The following MARS1 variants were observed in gnomAD, a reference collection of about 807,000 sequenced individuals.
MARS1 encodes the protein methionine--tRNA ligase, cytoplasmic.
In MARS1, 80 loss-of-function variants were observed where a neutral mutation model predicts 119.5. The observed-to-expected ratio is 0.67, with a 90% CI of 0.56 to 0.81. The LOEUF is 0.81. Ranked by LOEUF, MARS1 falls within the 30% of genes least tolerant of loss-of-function variation. The pLI, the probability that MARS1 is intolerant of heterozygous loss-of-function variation, is 0.00. For synonymous variants in MARS1, 418 were observed against 433.4 expected (o/e 0.96, Z 0.44); for missense variants, 945 against 1,116.5 (o/e 0.85, Z 2.19).
At chr12:57,504,334 A>C in intron 11 of MARS1, 35 bp downstream of exon 11, 1 of 1,566,884 alleles carries the variant, frequency 6.4e-7, no homozygotes, top group Non-Finnish European at 8.8e-7. Context: ...AGTTTTCAGG[A>C]GGCCTCTTCT....
chr12:57,490,970 G>A (rs1260409354), intron 7 of MARS1, among the ~76,000 whole-genome samples: 6 of 148,208 alleles, frequency 4.0e-5, no homozygotes, highest in Non-Finnish European at 5.9e-5. Context: ...TCCGCCTCCC[G>A]GGTTCAAGCG....
In MARS1 at chr12:57,493,340, TTA is replaced by T. The variant is rs1378500515; in HGVS notation, c.770+2701_770+2702del. ...TATAATATATTATATATAATATATG[TTA>T]TATAATATATATTATATGATATGTA... is the stretch of plus-strand genomic sequence containing the variant. On this transcript the variant is annotated intron_variant, in intron 7 of 20. Coordinates refer to ENST00000262027, the MANE Select transcript of MARS1 (RefSeq NM_004990.4). Among the ~76,000 whole-genome samples the T allele has an allele frequency of 3.1e-5, 3 of 96,586 alleles. 1 individual carries two copies. The highest frequency in any genetic ancestry group is 1.7e-4 in the Admixed American group (1 of 5,982). 63.4% of individuals were successfully genotyped at this position (96,586 alleles called of 152,430 possible). A position where few individuals can be genotyped will look rare whatever the true frequency, so the allele number is the denominator to read the frequency against.
chr12:57,488,499 G>T, intron 1 of MARS1: 2 of 1,410,746 alleles, frequency 1.4e-6, no homozygotes, highest in Non-Finnish European at 2.0e-6. Context: ...CACCTATCAG[G>T]CATCCCCCTC....
At chr12:57,512,642 A>G in intron 14 of MARS1, 109 bp from the exon 15 acceptor site, 2 of 894,472 alleles carry the variant, frequency 2.2e-6, no homozygotes, top group Non-Finnish European at 3.6e-6. Flanking sequence ...AAATGTTGCT[A>G]GACACCCATA....
chr12:57,498,426 T>C lies in MARS1; in HGVS notation c.894T>C (p.Ser298=). 2 of 1,613,678 alleles carry C rather than the reference T, an allele frequency of 1.2e-6. No homozygotes were observed. Among genetic ancestry groups the C allele is most frequent in the Middle Eastern group, 1.8e-4 (1 of 5,666 alleles). ...TCACCATATTCCCTTGCAGGTACTCTCGCCTCCGCCAGTGGAACACCCTCT... is the reference window on the plus strand; with the variant it reads ...TCACCATATTCCCTTGCAGGTACTCCCGCCTCCGCCAGTGGAACACCCTCT... ...VLSADVFARY[S]RLRQWNTLYL... The change falls in exon 9 of 21, where the codon TCT becomes TCC. Residue 298 remains serine, a synonymous_variant. Coordinates refer to ENST00000262027, the MANE Select transcript of MARS1 (RefSeq NM_004990.4).
In MARS1 at chr12:57,498,452, A is replaced by C; in HGVS notation, c.920A>C (p.Tyr307Ser). Residue 307 changes from tyrosine to serine, a missense_variant, in exon 9 of 21, where the codon TAT becomes TCT. Tyr to Ser is a moderately radical substitution (Grantham distance 144). Transcript: ENST00000262027. ...CGCCTCCGCCAGTGGAACACCCTCT[A>C]TCTGTGTGGGACAGATGAGTATGGT... ...YSRLRQWNTL[Y>S]LCGTDEYGTA... 6.2e-7 allele frequency: 1 copy of C among 1,614,120 alleles called. No individual in the cohort carries two copies. The highest frequency in any genetic ancestry group is 8.5e-7 in the Non-Finnish European group (1 of 1,180,034).
chr12:57,515,230 C>T lies in MARS1; in HGVS notation c.2285C>T (p.Thr762Met), dbSNP rs776051748. The T allele has an allele frequency of 2.7e-5, 43 of 1,614,004 alleles. No homozygotes were observed. Among genetic ancestry groups the T allele is most frequent in the Middle Eastern group, 1.6e-4 (1 of 6,084 alleles). Residue 762 changes from threonine (T) to methionine (M), a missense_variant, in exon 18 of 21, where the codon ACG becomes ATG. Transcript: ENST00000262027. ...GTCATGCTTCAGCCTTACATGCCCA[C>T]GGTTAGTGCCACAATCCAGGCCCAG... is the stretch of plus-strand genomic sequence containing the variant. ...LSVMLQPYMP[T>M]VSATIQAQLQ...
chr12:57,498,097 T>G, intron 7 of MARS1, 60 bp from the exon 8 acceptor site: 1 of 1,061,062 alleles, frequency 9.4e-7, no homozygotes, highest in Non-Finnish European at 1.5e-6. Context: ...CTGTGCACTT[T>G]TCGTCCCTGT....
In MARS1 at chr12:57,516,462, C is replaced by CA; in HGVS notation, c.2588dup (p.Ala864GlyfsTer24). 1.2e-6 allele frequency: 2 copies of CA among 1,613,500 alleles called. No individual in the cohort carries two copies. Among genetic ancestry groups the CA allele is most frequent in the Non-Finnish European group, 1.7e-6 (2 of 1,179,866 alleles). On this transcript the variant is annotated frameshift_variant, in exon 21 of 21. Transcript: ENST00000262027. LOFTEE classifies it high-confidence loss of function. ...AAACATTGTCCGAGAACTGAAAGCACAAAAGGCAGACAAGAACGAGGTTGC... is the reference window on the plus strand; with the variant it reads ...AAACATTGTCCGAGAACTGAAAGCACAAAAAGGCAGACAAGAACGAGGTTGC...
At chr12:57,495,634 G>T (rs1015269710) in intron 7 of MARS1, among the ~76,000 whole-genome samples, 14 of 152,202 alleles carry the variant, frequency 9.2e-5, no homozygotes, top group African/African-American at 3.4e-4. Context: ...TGGCACTTTG[G>T]GAGGCCAAGG....
Position 57,490,227 on chromosome 12 carries a change from A to T in MARS1, c.511A>T (p.Ser171Cys), listed in dbSNP as rs142331178. 6.2e-7 allele frequency: 1 copy of T among 1,613,680 alleles called. No individual in the cohort carries two copies. ...YLPEELSALH[S>C]WFQTLSTQEP... ...CACAGAGGAGCTGAGTGCCCTGCAC[A>T]GCTGGTTCCAGACACTGAGTACCCA... The change falls in exon 6 of 21, where the codon AGC becomes TGC. Residue 171 changes from serine (S) to cysteine (C), a missense_variant. Transcript: ENST00000262027.
At chr12:57,500,592 C>T in intron 10 of MARS1, 70 bp downstream of exon 10, 1 of 1,449,774 alleles carries the variant, frequency 6.9e-7, no homozygotes, top group Admixed American at 2.0e-5. Flanking sequence ...CCTTCCTGTC[C>T]CATTTAGGAT....
intron 11 of MARS1, among the ~76,000 whole-genome samples, chr12:57,507,818 C>T (rs1877287680): frequency 6.6e-6 from 1 of 151,002 alleles, no homozygotes; most frequent in Non-Finnish European, 1.5e-5. Context: ...CCACCTCCCT[C>T]CCGGACGGGG....
intron 11 of MARS1, among the ~76,000 whole-genome samples, chr12:57,506,444 C>T (rs1877182834): frequency 6.6e-6 from 1 of 152,102 alleles, no homozygotes; most frequent in South Asian, 2.1e-4. Context: ...TAAATAAATA[C>T]ATAAAATATA....
Position 57,489,971 on chromosome 12 carries a change from G to T in MARS1, c.490G>T (p.Glu164Ter), listed in dbSNP as rs765222881. ...PLLQDPAYLP[E>*]ELSALHSWFQ... ...ACTGCAAGATCCCGCCTACCTCCCTGGTGAGAACTGTGCATATCACTCCAA... is the reference window on the plus strand; with the variant it reads ...ACTGCAAGATCCCGCCTACCTCCCTTGTGAGAACTGTGCATATCACTCCAA... Residue 164 changes from glutamate to a stop codon, truncating the protein, a stop_gained and splice_region_variant, in exon 5 of 21, where the codon GAG becomes TAG. Transcript: ENST00000262027. LOFTEE classifies it high-confidence loss of function. 1 of 1,613,814 alleles carries T rather than the reference G, an allele frequency of 6.2e-7. No individual in the cohort carries two copies. The highest frequency in any genetic ancestry group is 1.1e-5 in the South Asian group (1 of 91,074).
chr12:57,504,341 T>G, intron 11 of MARS1, 42 bp downstream of exon 11: 1 of 1,482,770 alleles, frequency 6.7e-7, no homozygotes, highest in Non-Finnish European at 9.4e-7. Context: ...AGGAGGCCTC[T>G]TCTGTCCCCT....
chr12:57,495,677 C>T (rs7969683), intron 7 of MARS1, among the ~76,000 whole-genome samples: 101,869 of 151,150 alleles, frequency 0.67, 39,293 homozygotes, highest in Non-Finnish European at 0.86. Flanking sequence ...TGTAGCGAGC[C>T]GAGATCACGC....
intron 7 of MARS1, among the ~76,000 whole-genome samples, chr12:57,494,762 G>T (rs1876500616): frequency 6.6e-6 from 1 of 152,004 alleles, no homozygotes; most frequent in South Asian, 2.1e-4. Context: ...ATCTTGCACC[G>T]CCCTTAATCC....
intron 11 of MARS1, among the ~76,000 whole-genome samples, chr12:57,507,124 C>A (rs1338531975): frequency 1.3e-5 from 2 of 151,694 alleles, no homozygotes; most frequent in Non-Finnish European, 2.9e-5. Context: ...TCCATTTAAC[C>A]CTGAGTGGAC....
Sources: allele counts gnomAD v4.1 joint callset (sites outside exome capture counted in the v4.1 genomes callset), GRCh38; gene constraint gnomAD v4.1.1; transcripts MANE v1.5; gene names NCBI Gene and HGNC (gene_info 2026-07-23, HGNC 2026-07-21).